The following ROBO1 variants were observed in gnomAD, a reference collection of about 807,000 sequenced individuals.
ROBO1 encodes the protein roundabout homolog 1.
In ROBO1, 149 loss-of-function variants were observed where a neutral mutation model predicts 195.9. That is an observed-to-expected ratio of 0.76 (90% CI 0.67 to 0.87). The LOEUF (loss-of-function observed/expected upper bound fraction) is 0.87. Among genes scored for constraint, ROBO1 ranks in the 40% least tolerant of loss-of-function variants. The pLI, the probability that ROBO1 is intolerant of heterozygous loss-of-function variation, is 0.00. For synonymous variants in ROBO1, 816 were observed against 733.2 expected, an observed-to-expected ratio of 1.11 and a Z score of -1.82; for missense variants, 1,933 against 2,068.3, an observed-to-expected ratio of 0.93 and a Z score of 1.27.
At chr3:79,362,749 G>GA (rs1294980126) in intron 2 of ROBO1, among the ~76,000 whole-genome samples, 1 of 152,088 alleles carries the variant, frequency 6.6e-6, no homozygotes, top group South Asian at 2.1e-4. Context: ...TCTCTTCAGG[G>GA]AAAAAATCTA....
intron 1 of ROBO1, among the ~76,000 whole-genome samples, chr3:79,693,123 A>C (rs1336725049): frequency 6.6e-6 from 1 of 151,776 alleles, no homozygotes; most frequent in East Asian, 1.9e-4. Flanking sequence ...AATCGTTAAA[A>C]GAATAGATTT....
intron 4 of ROBO1, among the ~76,000 whole-genome samples, chr3:78,794,374 T>C (rs333509): frequency 0.97 from 147,362 of 152,292 alleles, 71,484 homozygotes; most frequent in East Asian, 1. Flanking sequence ...TTACTATAAC[T>C]ACTGTTGTCT....
Position 78,600,116 on chromosome 3 carries a change from T to C in ROBO1, c.4938A>G (p.Leu1646=), listed in dbSNP as rs1703081643. The C allele has an allele frequency of 6.2e-7, 1 of 1,611,150 alleles. No homozygotes were observed. Among genetic ancestry groups the C allele is most frequent in the East Asian group, 2.2e-5 (1 of 44,790 alleles). ...CTTGGGGAAAAATTATAGATACCTC[T>C]AATTCTTCATTATTATCTTCTCCTC... ...YERGEDNNEE[L]EETES The change falls in exon 30 of 31, where the codon TTA becomes TTG. Residue 1646 remains leucine, a synonymous_variant. Coordinates refer to ENST00000464233, the MANE Select transcript of ROBO1 (RefSeq NM_002941.4).
intron 2 of ROBO1, among the ~76,000 whole-genome samples, chr3:79,415,604 T>G (rs371684757): frequency 3.5e-4 from 54 of 152,216 alleles, no homozygotes; most frequent in African/African-American, 3.9e-4. Context: ...CCCTGGAAAG[T>G]ATGTTAACAA....
intron 8 of ROBO1, among the ~76,000 whole-genome samples, chr3:78,707,045 T>TA (rs1434226018): frequency 6.6e-6 from 1 of 152,162 alleles, no homozygotes; most frequent in Non-Finnish European, 1.5e-5. Context: ...AGCAGAAACT[T>TA]AAAGACTCAG....
intron 19 of ROBO1, 32 bp downstream of exon 19, chr3:78,651,700 T>A: frequency 6.7e-7 from 1 of 1,483,574 alleles, no homozygotes; most frequent in Non-Finnish European, 9.1e-7. Flanking sequence ...TTTATAAACA[T>A]TAAAATATGA....
rs1176437043 is a variant in ROBO1 at position 78,597,903 on chromosome 3, A to C, written c.*1010T>G. 2 of 151,010 alleles carry C rather than the reference A, an allele frequency of 1.3e-5. No homozygotes were observed. Among genetic ancestry groups the C allele is most frequent in the Non-Finnish European group, 3.0e-5 (2 of 67,618 alleles). The allele number at this position is 151,010 out of a possible 1,614,324, so 9.4% of individuals were successfully genotyped here. ...TTTCAATAAGACAAAAAAGGTTAAT[A>C]GTTACAATGGTTTACAAATAAAGTT... On this transcript the variant is annotated 3_prime_UTR_variant, in exon 31 of 31. Transcript: ENST00000464233.
chr3:79,476,549 GTATAT>G (rs1938555219), intron 2 of ROBO1, among the ~76,000 whole-genome samples: 1 of 151,638 alleles, frequency 6.6e-6, no homozygotes, highest in African/African-American at 2.4e-5. Flanking sequence ...AAATTGTGGT[GTATAT>G]ATATATACCA....
At position 79,335,860 on chromosome 3, in the gene ROBO1, G is replaced by A. The variant is rs543341321; in HGVS notation, c.89-210321C>T. 4.6e-5 allele frequency among the ~76,000 whole-genome samples: 7 copies of A among 152,304 alleles called. No homozygotes were observed. The East Asian group carries it at 1.4e-3, about 29-fold the overall frequency. On this transcript the variant is annotated intron_variant, in intron 2 of 30. Transcript: ENST00000464233. Reference sequence around the variant, plus strand: ...GGTACTTCCTAGAGACTTGTTGAATGGTTTTGACCAAAATGCTGATAGTGA... The same window carrying A: ...GGTACTTCCTAGAGACTTGTTGAATAGTTTTGACCAAAATGCTGATAGTGA...
intron 2 of ROBO1, among the ~76,000 whole-genome samples, chr3:79,234,275 A>C (rs890144650): frequency 6.6e-6 from 1 of 152,140 alleles, no homozygotes; most frequent in Non-Finnish European, 1.5e-5. Flanking sequence ...CAATGTGCAG[A>C]ATGATTTTTT....
intron 3 of ROBO1, among the ~76,000 whole-genome samples, chr3:79,085,591 A>G (rs112973007): frequency 5.3e-5 from 8 of 152,296 alleles, no homozygotes; most frequent in African/African-American, 1.9e-4. Flanking sequence ...GCTGTACATA[A>G]GAGAGTGATG....
At chr3:78,603,736 T>C (rs1246183510) in intron 29 of ROBO1, among the ~76,000 whole-genome samples, 1 of 152,088 alleles carries the variant, frequency 6.6e-6, no homozygotes, top group Non-Finnish European at 1.5e-5. Flanking sequence ...CAGCAATGCA[T>C]AAAAATGATC....
At chr3:78,922,929 C>T (rs2039023798) in intron 4 of ROBO1, among the ~76,000 whole-genome samples, 1 of 152,088 alleles carries the variant, frequency 6.6e-6, no homozygotes, top group South Asian at 2.1e-4. Flanking sequence ...GGCACTAAGA[C>T]TGCAGTTTTG....
At chr3:78,641,863 T>C (rs1317398008) in intron 21 of ROBO1, among the ~76,000 whole-genome samples, 1 of 152,220 alleles carries the variant, frequency 6.6e-6, no homozygotes, top group Non-Finnish European at 1.5e-5. Context: ...TATGAGTGAT[T>C]TCCAACAGGA....
intron 27 of ROBO1, among the ~76,000 whole-genome samples, chr3:78,615,688 CT>C (rs1469305575): frequency 1.3e-5 from 2 of 152,166 alleles, no homozygotes; most frequent in Non-Finnish European, 2.9e-5. Flanking sequence ...GAACTTTCTA[CT>C]GTACCACAAG....
At chr3:79,560,586 C>T (rs956526710) in intron 2 of ROBO1, among the ~76,000 whole-genome samples, 33 of 135,598 alleles carry the variant, frequency 2.4e-4, no homozygotes, top group African/African-American at 9.5e-4. Context: ...AAAAAAAATA[C>T]TTGCCACAAG....
intron 4 of ROBO1, among the ~76,000 whole-genome samples, chr3:78,815,666 G>A (rs1033435252): frequency 2.0e-5 from 3 of 152,096 alleles, no homozygotes; most frequent in Non-Finnish European, 4.4e-5. Context: ...ACCTTCACTA[G>A]GAGTAGATTT....
intron 5 of ROBO1, among the ~76,000 whole-genome samples, chr3:78,743,242 C>G (rs902383493): frequency 3.9e-5 from 6 of 151,918 alleles, no homozygotes; most frequent in African/African-American, 1.5e-4. Context: ...GAGGTCTGAA[C>G]CCCCACCCCT....
intron 3 of ROBO1, among the ~76,000 whole-genome samples, chr3:78,977,638 A>C (rs980977194): frequency 1.3e-5 from 2 of 151,376 alleles, no homozygotes; most frequent in Non-Finnish European, 2.9e-5. Context: ...TCCGTAAGCT[A>C]CACTGAAAAG....
Sources: gnomAD v4.1 joint callset for allele counts (sites outside exome capture counted in the v4.1 genomes callset) on GRCh38, gnomAD v4.1.1 for gene constraint, MANE v1.5 for transcripts, NCBI Gene and HGNC (gene_info 2026-07-23, HGNC 2026-07-21) for gene names.